The following CDK13 variants were observed in gnomAD, a reference collection of about 807,000 sequenced individuals.
The protein encoded by CDK13 is cyclin-dependent kinase 13.
In CDK13, 40 loss-of-function variants were observed where a neutral mutation model predicts 137.6. That is an observed-to-expected ratio of 0.29 (90% CI 0.23 to 0.38). The LOEUF (loss-of-function observed/expected upper bound fraction) is 0.38. Among genes scored for constraint, CDK13 ranks in the 10% least tolerant of loss-of-function variants. The pLI is 1.00. For synonymous variants in CDK13, 869 were observed against 760.1 expected (o/e 1.14, Z -2.36); for missense variants, 1,704 against 1,951.8 (o/e 0.87, Z 2.39).
intron 1 of CDK13, among the ~76,000 whole-genome samples, chr7:39,969,235 C>G (rs1783942039): frequency 6.6e-6 from 1 of 152,212 alleles, no homozygotes; most frequent in African/African-American, 2.4e-5. Context: ...TGGTCTCGAA[C>G]TCCTCACCTC....
intron 1 of CDK13, among the ~76,000 whole-genome samples, chr7:39,968,281 G>A (rs1266144315): frequency 6.6e-6 from 1 of 152,006 alleles, no homozygotes; most frequent in Non-Finnish European, 1.5e-5. Context: ...GTACTTTTGG[G>A]TTTATAACCA....
At chr7:40,086,957 C>T (rs113107921) in intron 11 of CDK13, among the ~76,000 whole-genome samples, 14 of 151,784 alleles carry the variant, frequency 9.2e-5, no homozygotes, top group African/African-American at 3.1e-4. Flanking sequence ...GGACTACAGA[C>T]ATGTGCCACC....
At chr7:39,952,860 G>A (rs1196105721) in intron 1 of CDK13, 1 of 152,098 alleles carries the variant, frequency 6.6e-6, no homozygotes, top group Admixed American at 6.5e-5. Context: ...TTTTTAAAAA[G>A]TGTGCCTTAA....
At chr7:39,957,245 CA>C (rs1361194316) in intron 1 of CDK13, among the ~76,000 whole-genome samples, 1 of 152,020 alleles carries the variant, frequency 6.6e-6, no homozygotes, top group Non-Finnish European at 1.5e-5. Flanking sequence ...CCAGTGTGTC[CA>C]GCCTTAAATC....
intron 5 of CDK13, among the ~76,000 whole-genome samples, chr7:40,014,058 CTTTTTTTTTTTTTTTT>C (rs927741062): frequency 1.6e-5 from 1 of 60,936 alleles, no homozygotes; most frequent in Non-Finnish European, 3.1e-5. Context: ...GCTGTCTTGT[CTTTTTTTTTTTTTTTT>C]TTTTTTTTTT....
At chr7:40,038,208 TA>T (rs921868318) in intron 5 of CDK13, among the ~76,000 whole-genome samples, 19 of 152,192 alleles carry the variant, frequency 1.2e-4, no homozygotes, top group African/African-American at 4.1e-4. Flanking sequence ...TTTTTATATA[TA>T]AAAAAAGGTA....
chr7:39,999,108 T>C lies in CDK13; in HGVS notation c.2043-253T>C, dbSNP rs10241835. The stretch of plus-strand genomic sequence containing the variant: ...ATTTCTGAAAAGCCTTCATACAAGC[T>C]CTACTACTTTTTTTCTCAGTTTAAA... On this transcript the variant is annotated intron_variant, in intron 3 of 13. Transcript: ENST00000181839. The C allele has an allele frequency of 0.085, 25,188 of 295,628 alleles. 5,723 individuals carry two copies. Among genetic ancestry groups the C allele is most frequent in the African/African-American group, 0.49 (22,549 of 46,200 alleles). 18.3% of individuals were successfully genotyped at this position (295,628 alleles called of 1,614,324 possible).
At chr7:39,975,978 A>G (rs918506966) in intron 1 of CDK13, among the ~76,000 whole-genome samples, 1 of 152,186 alleles carries the variant, frequency 6.6e-6, no homozygotes, top group African/African-American at 2.4e-5. Context: ...TAGGGAAGTG[A>G]TAGAGATGAG....
Position 39,951,120 on chromosome 7 carries a change from G to T in CDK13, c.479G>T (p.Gly160Val), listed in dbSNP as rs1042943486. ...CAGTCCGAGCAGGGGCTGCTGCTGG[G>T]GGGGGCCAGCGCGGCAACGGCGGCG... Reference protein sequence around the residue: ...SSQSEQGLLLGGASAATAATA... With the variant: ...SSQSEQGLLLVGASAATAATA... Residue 160 changes from glycine (G) to valine (V), a missense_variant, in exon 1 of 14, where the codon GGG (glycine) becomes GTG (valine). Around this residue, in one of 5 missense-constraint regions of CDK13, gnomAD observed 1,051 missense variants for 931.0 expected, o/e 1.13. Transcript: ENST00000181839. 3.2e-6 allele frequency: 4 copies of T among 1,244,968 alleles called. No individual in the cohort carries two copies. Among genetic ancestry groups the T allele is most frequent in the Admixed American group, 4.2e-5 (1 of 23,698 alleles). The allele number at this position is 1,244,968 out of a possible 1,614,324, so 77.1% of individuals were successfully genotyped here. A position where few individuals can be genotyped will look rare whatever the true frequency, so the allele number is the denominator to read the frequency against.
chr7:39,990,557 A>G (rs1459587146), intron 2 of CDK13, among the ~76,000 whole-genome samples: 1 of 152,232 alleles, frequency 6.6e-6, no homozygotes, highest in African/African-American at 2.4e-5. Context: ...ACTTTTGGAA[A>G]TAAATGGGCG....
At position 39,951,150 on chromosome 7, in the gene CDK13, C is replaced by T. The variant is rs1029840854; in HGVS notation, c.509C>T (p.Ala170Val). ...GGASAATAAT[A>V]AGGTGGSGGS... ...GCCAGCGCGGCAACGGCGGCGACGG[C>T]TGCCGGGGGAACGGGGGGCAGCGGC... is the stretch of plus-strand genomic sequence containing the variant. Residue 170 changes from alanine (A) to valine (V), a missense_variant, in exon 1 of 14, where the codon GCT becomes GTT. Around this residue, in one of 5 missense-constraint regions of CDK13, gnomAD observed 1,051 missense variants for 931.0 expected, o/e 1.13. Coordinates refer to ENST00000181839, the MANE Select transcript of CDK13 (RefSeq NM_003718.5). 43 of 1,242,806 alleles carry T rather than the reference C, an allele frequency of 3.5e-5. 1 individual carries two copies. The highest frequency in any genetic ancestry group is 4.2e-5 in the Admixed American group (1 of 23,674). The allele number at this position is 1,242,806 out of a possible 1,614,324, so 77.0% of individuals were successfully genotyped here.
intron 12 of CDK13, among the ~76,000 whole-genome samples, chr7:40,089,371 C>T (rs1786864183): frequency 6.8e-6 from 1 of 147,018 alleles, no homozygotes; most frequent in Non-Finnish European, 1.5e-5. Flanking sequence ...ACCCAGGAGG[C>T]AGATGTTGCA....
In CDK13 at chr7:39,999,460, T is replaced by C. The variant is rs1399375552; in HGVS notation, c.2142T>C (p.Gly714=). 1 of 1,612,062 alleles carries C rather than the reference T, an allele frequency of 6.2e-7. No homozygotes were observed. Among genetic ancestry groups the C allele is most frequent in the Non-Finnish European group, 8.5e-7 (1 of 1,178,852 alleles). The change falls in exon 4 of 14, where the codon GGT becomes GGC. Residue 714 remains glycine, a synonymous_variant. Transcript: ENST00000181839. ...KFDIIGIIGE[G]TYGQVYKARD... ...ATATCATCGGAATTATTGGAGAAGG[T>C]ACTTACGGACAAGTTTACAAAGCCA... is the stretch of plus-strand genomic sequence containing the variant.
chr7:40,085,284 C>T (rs1313198172), intron 11 of CDK13, among the ~76,000 whole-genome samples: 3 of 151,754 alleles, frequency 2.0e-5, no homozygotes, highest in Non-Finnish European at 4.4e-5. Flanking sequence ...TTGCTTGAAC[C>T]TGGGAGGCGG....
rs867389546 is a variant in CDK13 at position 39,959,408 on chromosome 7, G to A, written c.1211+7556G>A. On this transcript the variant is annotated intron_variant, in intron 1 of 13. Transcript: ENST00000181839. ...ACTCCTGGCCTCAGGTGATCCACCC[G>A]CTTCAGCCTCCCAGAGTGCTGGGAT... 2.4e-4 allele frequency among the ~76,000 whole-genome samples: 36 copies of A among 151,170 alleles called. 1 individual carries two copies. The highest frequency in any genetic ancestry group is 6.6e-4 in the Admixed American group (10 of 15,194).
At chr7:40,014,452 C>CTTTT (rs70996871) in intron 5 of CDK13, among the ~76,000 whole-genome samples, 6 of 118,682 alleles carry the variant, frequency 5.1e-5, no homozygotes, top group African/African-American at 7.3e-5. Context: ...ATTTCTCTCT[C>CTTTT]TTTTTTTTTT....
rs1430233932 is a variant in CDK13 at position 39,988,073 on chromosome 7, C to T, written c.1686C>T (p.Val562=). The T allele has an allele frequency of 6.8e-6, 11 of 1,613,926 alleles. No homozygotes were observed. The highest frequency in any genetic ancestry group is 1.6e-4 in the Middle Eastern group (1 of 6,084). ...LIVDKATKKA[V]IVGKESKSAA... ...TAGATAAAGCCACCAAGAAAGCAGT[C>T]ATAGTTGGAAAGGAGAGTAAATCTG... is the stretch of plus-strand genomic sequence containing the variant. The change falls in exon 2 of 14, where the codon GTC becomes GTT. Residue 562 remains valine (V), a synonymous_variant. Transcript: ENST00000181839.
intron 5 of CDK13, among the ~76,000 whole-genome samples, chr7:40,039,833 A>G (rs913917409): frequency 3.9e-5 from 6 of 152,110 alleles, no homozygotes; most frequent in Non-Finnish European, 7.4e-5. Context: ...TTAGCCATGC[A>G]GAGGATTTTT....
Position 39,951,118 on chromosome 7 carries a change from G to A in CDK13, c.477G>A (p.Leu159=). 6 of 1,243,098 alleles carry A rather than the reference G, an allele frequency of 4.8e-6. No individual in the cohort carries two copies. Among genetic ancestry groups the A allele is most frequent in the Middle Eastern group, 2.2e-4 (1 of 4,544 alleles). 77.0% of individuals were successfully genotyped at this position (1,243,098 alleles called of 1,614,324 possible). A position where few individuals can be genotyped will look rare whatever the true frequency, so the allele number is the denominator to read the frequency against. ...VSSQSEQGLL[L]GGASAATAAT... Reference sequence around the variant, plus strand: ...CCCAGTCCGAGCAGGGGCTGCTGCTGGGGGGGGCCAGCGCGGCAACGGCGG... The same window carrying A: ...CCCAGTCCGAGCAGGGGCTGCTGCTAGGGGGGGCCAGCGCGGCAACGGCGG... The change falls in exon 1 of 14, where the codon CTG becomes CTA. Residue 159 remains leucine, a synonymous_variant. Transcript: ENST00000181839.
Sources: gnomAD v4.1 joint callset for allele counts (sites outside exome capture counted in the v4.1 genomes callset) on GRCh38, gnomAD v4.1.1 for gene constraint, gnomAD v4.1.1 regional missense constraint, MANE v1.5 for transcripts, NCBI Gene and HGNC (gene_info 2026-07-23, HGNC 2026-07-21) for gene names.